The following PRKCB variants were observed in gnomAD, a reference collection of about 807,000 sequenced individuals.
PRKCB encodes protein kinase C beta, also known as protein kinase C beta type.
Under a neutral mutation model 81.5 loss-of-function variants are expected in PRKCB, and 13 were observed. That is an observed-to-expected ratio of 0.16 (90% CI 0.10 to 0.25). The LOEUF is 0.25. Ranked by LOEUF, PRKCB falls within the 10% of genes least tolerant of loss-of-function variation. The pLI, the probability that PRKCB is intolerant of heterozygous loss-of-function variation, is 1.00. For synonymous variants in PRKCB, 335 were observed against 321.4 expected, an observed-to-expected ratio of 1.04 and a Z score of -0.45; for missense variants, 509 against 875.7, an observed-to-expected ratio of 0.58 and a Z score of 5.29.
intron 5 of PRKCB, among the ~76,000 whole-genome samples, chr16:24,051,633 A>G (rs1965843997): frequency 6.6e-6 from 1 of 152,060 alleles, no homozygotes; most frequent in South Asian, 2.1e-4. Flanking sequence ...CCAGAGACTC[A>G]GGAGGCTGAG....
chr16:24,135,266 A>G (rs1248952271), intron 9 of PRKCB, among the ~76,000 whole-genome samples: 2 of 149,610 alleles, frequency 1.3e-5, no homozygotes, highest in African/African-American at 4.9e-5. Context: ...CTCTGTGAGC[A>G]TGAGAGAGCA....
intron 2 of PRKCB, among the ~76,000 whole-genome samples, chr16:23,888,138 A>C (rs897728326): frequency 1.3e-5 from 2 of 152,278 alleles, no homozygotes; most frequent in Non-Finnish European, 2.9e-5. Context: ...TACCTAGAGG[A>C]GGACTTCAGG....
chr16:23,847,164 A>G (rs1416497808), intron 2 of PRKCB, among the ~76,000 whole-genome samples: 1 of 152,052 alleles, frequency 6.6e-6, no homozygotes, highest in Non-Finnish European at 1.5e-5. Flanking sequence ...TTTTTCTTTC[A>G]TCTTGCTACT....
intron 5 of PRKCB, among the ~76,000 whole-genome samples, chr16:24,070,412 A>T (rs539365068): frequency 1.8e-4 from 28 of 152,216 alleles, no homozygotes; most frequent in African/African-American, 6.7e-4. Context: ...GCCTCCCAAA[A>T]TGCTGGAATT....
intron 7 of PRKCB, among the ~76,000 whole-genome samples, chr16:24,095,270 TC>T (rs766190909): frequency 3.3e-5 from 5 of 152,150 alleles, no homozygotes; most frequent in Non-Finnish European, 5.9e-5. Context: ...ATGACTCAAA[TC>T]AGCCTCCCTG....
At chr16:24,069,713 C>A (rs948498391) in intron 5 of PRKCB, among the ~76,000 whole-genome samples, 1 of 152,098 alleles carries the variant, frequency 6.6e-6, no homozygotes, top group African/African-American at 2.4e-5. Flanking sequence ...GTACTCCAGC[C>A]TGAGTAACAA....
intron 9 of PRKCB, among the ~76,000 whole-genome samples, chr16:24,138,259 G>A (rs527693465): frequency 2.0e-4 from 31 of 152,282 alleles, no homozygotes; most frequent in Admixed American, 4.6e-4. Flanking sequence ...TTCTCTATTA[G>A]CAGTGCTCTG....
chr16:23,903,886 C>T (rs754405050), intron 2 of PRKCB, among the ~76,000 whole-genome samples: 3 of 152,196 alleles, frequency 2.0e-5, no homozygotes, highest in Non-Finnish European at 2.9e-5. Flanking sequence ...ATCTCTGTTT[C>T]ATCCACTGCT....
At chr16:23,910,692 A>G (rs1253472634) in intron 2 of PRKCB, among the ~76,000 whole-genome samples, 1 of 152,252 alleles carries the variant, frequency 6.6e-6, no homozygotes, top group Non-Finnish European at 1.5e-5. Flanking sequence ...TTCACATTTT[A>G]ACCATTTAAA....
At chr16:23,890,885 T>C (rs1056525130) in intron 2 of PRKCB, among the ~76,000 whole-genome samples, 3 of 152,166 alleles carry the variant, frequency 2.0e-5, no homozygotes, top group African/African-American at 7.2e-5. Context: ...AAGACTCTGA[T>C]CAAATGTCCA....
intron 3 of PRKCB, among the ~76,000 whole-genome samples, chr16:23,989,081 C>T (rs1964840742): frequency 6.6e-6 from 1 of 152,142 alleles, no homozygotes; most frequent in Admixed American, 6.5e-5. Flanking sequence ...CTGCCTCAGC[C>T]TCCCGAGGAG....
chr16:23,910,895 T>C (rs1265866579), intron 2 of PRKCB, among the ~76,000 whole-genome samples: 1 of 152,090 alleles, frequency 6.6e-6, no homozygotes, highest in Non-Finnish European at 1.5e-5. Context: ...TTGCCTATCC[T>C]AGACATTTTG....
intron 3 of PRKCB, among the ~76,000 whole-genome samples, chr16:24,012,933 T>C (rs1302880456): frequency 4.6e-5 from 7 of 152,370 alleles, no homozygotes; most frequent in African/African-American, 1.7e-4. Context: ...TCTCTCTTCT[T>C]CCCTGTGAGT....
At chr16:24,120,019 A>G (rs986856452) in intron 8 of PRKCB, among the ~76,000 whole-genome samples, 2 of 152,222 alleles carry the variant, frequency 1.3e-5, no homozygotes, top group African/African-American at 4.8e-5. Flanking sequence ...TCAGCAATAC[A>G]AAGAGACAAA....
chr16:24,124,322 A>G (rs1966836268), intron 9 of PRKCB, among the ~76,000 whole-genome samples: 1 of 152,164 alleles, frequency 6.6e-6, no homozygotes, highest in Non-Finnish European at 1.5e-5. Flanking sequence ...CCTAGGAACC[A>G]TCAGAAGGTG....
intron 3 of PRKCB, among the ~76,000 whole-genome samples, chr16:24,005,944 G>A (rs1965112437): frequency 6.6e-6 from 1 of 152,240 alleles, no homozygotes; most frequent in Admixed American, 6.5e-5. Flanking sequence ...AAGCAGCAAT[G>A]AGGGTTGAAC....
At chr16:23,997,081 G>C (rs1964967601) in intron 3 of PRKCB, among the ~76,000 whole-genome samples, 1 of 152,092 alleles carries the variant, frequency 6.6e-6, no homozygotes, top group African/African-American at 2.4e-5. Context: ...GTTCCAGAGG[G>C]AGGAATACTT....
At chr16:24,139,080 G>T (rs898435946) in intron 9 of PRKCB, among the ~76,000 whole-genome samples, 13 of 152,016 alleles carry the variant, frequency 8.6e-5, no homozygotes, top group Non-Finnish European at 1.8e-4. Flanking sequence ...TCAAACCCCT[G>T]ACCTGAGGTG....
At chr16:23,851,937 T>C (rs1450359698) in intron 2 of PRKCB, among the ~76,000 whole-genome samples, 1 of 152,234 alleles carries the variant, frequency 6.6e-6, no homozygotes, top group African/African-American at 2.4e-5. Context: ...TAATCTAATA[T>C]AGAAACACTA....
Sources: gnomAD v4.1 joint callset for allele counts (sites outside exome capture counted in the v4.1 genomes callset) on GRCh38, gnomAD v4.1.1 for gene constraint, MANE v1.5 for transcripts, NCBI Gene and HGNC (gene_info 2026-07-23, HGNC 2026-07-21) for gene names.